COL19A1: variants seen among roughly 807,000 people sequenced by gnomAD.
The protein encoded by COL19A1 is collagen alpha-1(XIX) chain.
Under a neutral mutation model 190.2 loss-of-function variants are expected in COL19A1, and 159 were observed. The ratio of observed to expected loss-of-function variants is 0.84; its 90% CI spans 0.73 to 0.95. The LOEUF (loss-of-function observed/expected upper bound fraction) is 0.95. Among genes scored for constraint, COL19A1 ranks in the 40% least tolerant of loss-of-function variants. The pLI, the probability that COL19A1 is intolerant of heterozygous loss-of-function variation, is 0.00. For synonymous variants in COL19A1, 509 were observed against 458.9 expected (o/e 1.11, Z -1.39); for missense variants, 1,418 against 1,431.9 (o/e 0.99, Z 0.16).
At chr6:70,065,354 G>C (rs1285723143) in intron 14 of COL19A1, among the ~76,000 whole-genome samples, 1 of 152,164 alleles carries the variant, frequency 6.6e-6, no homozygotes, top group Non-Finnish European at 1.5e-5. Context: ...ACAAGAAATG[G>C]GGAAAGGATT....
At chr6:69,942,740 ATG>A (rs35406948) in intron 9 of COL19A1, among the ~76,000 whole-genome samples, 4,761 of 146,504 alleles carry the variant, frequency 0.032, 134 homozygotes, top group African/African-American at 0.07. Context: ...CATTGTGTGT[ATG>A]TGTGTGTGTG....
At chr6:70,173,161 G>A (rs1765595000) in intron 41 of COL19A1, among the ~76,000 whole-genome samples, 1 of 152,206 alleles carries the variant, frequency 6.6e-6, no homozygotes, top group Admixed American at 6.5e-5. Context: ...GTTTAATTTT[G>A]TACGTGAGAC....
rs368110123 is a variant in COL19A1 at position 70,190,331 on chromosome 6, T to G, written c.3044T>G (p.Phe1015Cys). The change falls in exon 48 of 51, where the codon TTT (phenylalanine) becomes TGT (cysteine). Residue 1015 changes from phenylalanine to cysteine, a missense_variant. By Grantham distance (205) the Phe-to-Cys change is radical. Transcript: ENST00000620364. ...CTTCTTCAGGCTGATGCAGTTTCAT[T>G]TGAAGAAATAAAGAAGTATATTAAT... Reference protein sequence around the residue: ...IPGIPADAVSFEEIKKYINQE... With the variant: ...IPGIPADAVSCEEIKKYINQE... 12 of 1,605,730 alleles carry G rather than the reference T, an allele frequency of 7.5e-6. No homozygotes were observed. In the Admixed American group the frequency reaches 1.5e-4, roughly 20 times the overall value.
intron 11 of COL19A1, among the ~76,000 whole-genome samples, chr6:69,996,934 G>C (rs866367679): frequency 6.7e-6 from 1 of 148,242 alleles, no homozygotes. Flanking sequence ...GTGTGTGTGT[G>C]TGTGTATATA....
At chr6:70,041,311 T>A (rs986270146) in intron 14 of COL19A1, among the ~76,000 whole-genome samples, 2 of 152,226 alleles carry the variant, frequency 1.3e-5, no homozygotes, top group Non-Finnish European at 2.9e-5. Context: ...TAGAAACTTA[T>A]AATAATTTTA....
At chr6:70,171,853 A>G (rs1185780351) in intron 40 of COL19A1, 111 bp from the exon 41 acceptor site, 1 of 810,514 alleles carries the variant, frequency 1.2e-6, no homozygotes, top group Non-Finnish European at 2.1e-6. Flanking sequence ...GCTAAATTAC[A>G]CATCAATGTT....
chr6:69,902,197 C>T (rs1052305043), intron 4 of COL19A1, among the ~76,000 whole-genome samples: 1 of 152,194 alleles, frequency 6.6e-6, no homozygotes, highest in East Asian at 1.9e-4. Context: ...GCTTCTCTTG[C>T]ATGATGCCAT....
At chr6:69,967,889 A>C (rs1453260744) in intron 11 of COL19A1, among the ~76,000 whole-genome samples, 1 of 152,010 alleles carries the variant, frequency 6.6e-6, no homozygotes, top group African/African-American at 2.4e-5. Context: ...TATTCAAATG[A>C]ATACAATTAT....
At chr6:69,932,952 CT>C in intron 7 of COL19A1, 89 bp downstream of exon 7, 1 of 814,504 alleles carries the variant, frequency 1.2e-6, no homozygotes, top group East Asian at 2.8e-5. Context: ...TAGGGTAGCA[CT>C]GAGTGTGTTC....
intron 11 of COL19A1, among the ~76,000 whole-genome samples, chr6:69,964,121 T>C (rs1183562478): frequency 6.6e-6 from 1 of 152,226 alleles, no homozygotes; most frequent in East Asian, 1.9e-4. Flanking sequence ...TTTGCTTTCT[T>C]GCCAGTGATC....
intron 49 of COL19A1, among the ~76,000 whole-genome samples, chr6:70,201,997 T>G (rs1443847372): frequency 6.6e-6 from 1 of 152,228 alleles, no homozygotes; most frequent in Non-Finnish European, 1.5e-5. Context: ...TCTGCTCAAT[T>G]TAAGTGTTTT....
chr6:70,067,272 G>A (rs1781291915), intron 14 of COL19A1, among the ~76,000 whole-genome samples: 1 of 152,092 alleles, frequency 6.6e-6, no homozygotes, highest in Non-Finnish European at 1.5e-5. Flanking sequence ...GCAAGAATAT[G>A]GGAGCAGCAG....
intron 15 of COL19A1, among the ~76,000 whole-genome samples, chr6:70,081,415 T>G (rs1305996046): frequency 6.6e-6 from 1 of 152,134 alleles, no homozygotes; most frequent in African/African-American, 2.4e-5. Flanking sequence ...CACAGAAGGA[T>G]GAACAAATCT....
At chr6:70,198,905 G>A (rs1445662875) in intron 48 of COL19A1, among the ~76,000 whole-genome samples, 1 of 152,168 alleles carries the variant, frequency 6.6e-6, no homozygotes, top group Non-Finnish European at 1.5e-5. Flanking sequence ...ACTAGGGCTG[G>A]ATGATCTGCT....
intron 11 of COL19A1, among the ~76,000 whole-genome samples, chr6:70,006,796 T>C (rs1777658111): frequency 6.6e-6 from 1 of 152,040 alleles, no homozygotes; most frequent in South Asian, 2.1e-4. Context: ...ATATATGATA[T>C]CAATGATACA....
At chr6:70,053,549 C>A (rs1175244025) in intron 14 of COL19A1, among the ~76,000 whole-genome samples, 1 of 152,122 alleles carries the variant, frequency 6.6e-6, no homozygotes, top group African/African-American at 2.4e-5. Flanking sequence ...ACTGACACAA[C>A]CTTACCTTAT....
chr6:70,084,611 G>A (rs919356767), intron 15 of COL19A1, among the ~76,000 whole-genome samples: 1 of 152,142 alleles, frequency 6.6e-6, no homozygotes, highest in Admixed American at 6.5e-5. Context: ...CTGTCTGGAG[G>A]CTGCCTTGAT....
rs1401332320 is a variant in COL19A1, at chr6:70,168,197, A to G, written c.2523A>G (p.Pro841=). 1 of 1,613,052 alleles carries G rather than the reference A, an allele frequency of 6.2e-7. No individual in the cohort carries two copies. Among genetic ancestry groups the G allele is most frequent in the African/African-American group, 1.3e-5 (1 of 74,854 alleles). ...IKGGVNVPSY[P]GPPGPPGPKG... ...GAGGTGTGAATGTTCCCAGTTACCC[A>G]GGGCCACCCGGTCCTCCTGTAAGTA... Residue 841 remains proline (P), a synonymous_variant, in exon 39 of 51, where the codon CCA becomes CCG. Transcript: ENST00000620364.
intron 17 of COL19A1, among the ~76,000 whole-genome samples, chr6:70,124,815 G>A (rs952327754): frequency 6.6e-6 from 1 of 152,086 alleles, no homozygotes; most frequent in Non-Finnish European, 1.5e-5. Context: ...AGCATTAGAG[G>A]CTTTAGATCC....
Sources: gnomAD v4.1 joint callset for allele counts (sites outside exome capture counted in the v4.1 genomes callset) on GRCh38, gnomAD v4.1.1 for gene constraint, MANE v1.5 for transcripts, NCBI Gene and HGNC (gene_info 2026-07-23, HGNC 2026-07-21) for gene names.